Variants in FAAP100 observed in about 807,000 individuals in gnomAD.
FAAP100 encodes the protein Fanconi anemia core complex-associated protein 100.
Under a neutral mutation model 65.8 loss-of-function variants are expected in FAAP100, and 46 were observed. The ratio of observed to expected loss-of-function variants is 0.70; its 90% confidence interval spans 0.55 to 0.89. The LOEUF (loss-of-function observed/expected upper bound fraction) is 0.89. FAAP100 is among the 40% of genes least tolerant of loss of function. The probability of loss-of-function intolerance (pLI) is 0.00; values close to 1 mark genes in which losing one functional copy is unlikely to be tolerated. For synonymous variants in FAAP100, 663 were observed against 555.1 expected (o/e 1.19, Z -2.73); for missense variants, 1,165 against 1,196.7 (o/e 0.97, Z 0.39).
Position 81,547,500 on chromosome 17 carries a change from C to T in FAAP100, c.1582G>A (p.Val528Met), listed in dbSNP as rs1322094600. Residue 528 changes from valine (V) to methionine (M), a missense_variant, in exon 5 of 9, where the codon GTG (valine) becomes ATG (methionine). By Grantham distance (21) the Val-to-Met change is conservative (BLOSUM62 1). Transcript: ENST00000327787. ...QTQDVLMATC[V>M]LENSSSFSLD... ...CTGAAGCTGCTGCTGTTCTCTAGCA[C>T]GCAGGTGGCCATGAGCACATCCTGT... The T allele has an allele frequency of 2.0e-5, 33 of 1,613,414 alleles. No homozygotes were observed. The highest frequency in any genetic ancestry group is 2.6e-5 in the Non-Finnish European group (31 of 1,180,032).
intron 6 of FAAP100, among the ~76,000 whole-genome samples, chr17:81,544,492 G>C (rs1446362405): frequency 1.3e-5 from 2 of 152,110 alleles, no homozygotes; most frequent in Non-Finnish European, 2.9e-5. Context: ...CCACGCCCTT[G>C]GGGGGCCCAG....
chr17:81,547,045 A>T lies in FAAP100; in HGVS notation c.2037T>A (p.Phe679Leu), dbSNP rs1194760694. The T allele has an allele frequency of 6.4e-7, 1 of 1,557,744 alleles. No homozygotes were observed. Among genetic ancestry groups the T allele is most frequent in the Admixed American group, 2.0e-5 (1 of 51,006 alleles). Residue 679 changes from phenylalanine to leucine, a missense_variant, in exon 5 of 9, where the codon TTT becomes TTA. Coordinates refer to ENST00000327787, the MANE Select transcript of FAAP100 (RefSeq NM_025161.6). ...LGPTRDPVAT[F>L]LETCREPGSQ... ...TGCCAGGCTCCCGACAAGTTTCCAGAAAAGTGGCCACAGGGTCTCGGGTGG... is the reference window on the plus strand; with the variant it reads ...TGCCAGGCTCCCGACAAGTTTCCAGTAAAGTGGCCACAGGGTCTCGGGTGG...
At chr17:81,552,135 G>C (rs2033520276) in intron 1 of FAAP100, 31 bp downstream of exon 1, 2 of 1,482,116 alleles carry the variant, frequency 1.3e-6, no homozygotes, top group Admixed American at 4.8e-5. Context: ...CCCCCGCCCG[G>C]TCCCTCCCGC....
intron 3 of FAAP100, 117 bp from the exon 4 acceptor site, chr17:81,549,479 C>A: frequency 7.7e-7 from 1 of 1,304,326 alleles, no homozygotes; most frequent in Non-Finnish European, 1.0e-6. Context: ...AGGCCAGTGT[C>A]CAGTGAGGAA....
At chr17:81,541,680 C>T (rs1303464443) in intron 7 of FAAP100, among the ~76,000 whole-genome samples, 1 of 152,252 alleles carries the variant, frequency 6.6e-6, no homozygotes, top group African/African-American at 2.4e-5. Flanking sequence ...AAGAGCCACA[C>T]TCTGTGCAGA....
intron 6 of FAAP100, 47 bp from the exon 7 acceptor site, chr17:81,544,167 T>A (rs1268499547): frequency 1.3e-6 from 2 of 1,489,350 alleles, no homozygotes; most frequent in South Asian, 1.1e-5. Flanking sequence ...CACTCCCACC[T>A]GCCCGGGGGG....
rs1361322407 is a variant in FAAP100, at chr17:81,540,957, G to A, written c.2515-7C>T. ...GCACCTCCCGCAGCAGTGTCTGCAG[G>A]TGAAGCAGACACAGCTCAGGCCCCC... On this transcript the variant is annotated splice_region_variant and splice_polypyrimidine_tract_variant and intron_variant, in intron 8 of 8. Coordinates refer to ENST00000327787, the MANE Select transcript of FAAP100 (RefSeq NM_025161.6). 1.3e-6 allele frequency: 2 copies of A among 1,575,478 alleles called. No individual in the cohort carries two copies. Among genetic ancestry groups the A allele is most frequent in the Non-Finnish European group, 1.7e-6 (2 of 1,163,224 alleles).
Position 81,550,942 on chromosome 17 carries a change from G to A in FAAP100, c.552C>T (p.Val184=), listed in dbSNP as rs1285151095. The change falls in exon 3 of 9, where the codon GTC becomes GTT. Residue 184 remains valine (V), a synonymous_variant. Coordinates refer to ENST00000327787, the MANE Select transcript of FAAP100 (RefSeq NM_025161.6). ...AGTGGGGGGCTGCAGGCTTTCCTGG[G>A]ACCCCGGCTGGGGGCGTGTAGGAGG... is the stretch of plus-strand genomic sequence containing the variant. ...ELSSYTPPAG[V]PGKPAAPHFL... is the part of the protein sequence containing the mutation. The A allele has an allele frequency of 6.2e-7, 1 of 1,612,172 alleles. No homozygotes were observed. Among genetic ancestry groups the A allele is most frequent in the East Asian group, 2.2e-5 (1 of 44,868 alleles).
In FAAP100 at chr17:81,549,309, G is replaced by T. The variant is rs747486553; in HGVS notation, c.1300C>A (p.Leu434Met). Residue 434 changes from leucine to methionine, a missense_variant, in exon 4 of 9, where the codon CTG (leucine) becomes ATG (methionine). By Grantham distance (15) the Leu-to-Met change is conservative. Coordinates refer to ENST00000327787, the MANE Select transcript of FAAP100 (RefSeq NM_025161.6). ...SAKGRLMTCS[L>M]DLDSEMPGPA... ...CCAGGCATCTCAGAGTCCAGGTCCA[G>T]GCTGCAGGTCATCAGGCGGCCTTTG... 11 of 1,612,920 alleles carry T rather than the reference G, an allele frequency of 6.8e-6. No homozygotes were observed. The South Asian group carries it at 1.2e-4, about 18-fold the overall frequency.
rs1167228606 is a variant in FAAP100, at chr17:81,550,258, C to G, written c.1236G>C (p.Arg412Ser). 1 of 1,603,410 alleles carries G rather than the reference C, an allele frequency of 6.2e-7. No homozygotes were observed. Among genetic ancestry groups the G allele is most frequent in the Non-Finnish European group, 8.5e-7 (1 of 1,174,128 alleles). ...GACAGCAGCTCATACCTTCATGCGT[C>G]CTGGGAGACGCGGACAGCGAGACGA... ...CSVVSLSASP[R>S]THEGGTKLLA... The change falls in exon 3 of 9, where the codon AGG (arginine) becomes AGC (serine). Residue 412 changes from arginine (R) to serine (S), a missense_variant. By Grantham distance (110) the Arg-to-Ser change is moderately radical. Coordinates refer to ENST00000327787, the MANE Select transcript of FAAP100 (RefSeq NM_025161.6).
At chr17:81,552,694 G>T (rs776573353), upstream of FAAP100, among the ~76,000 whole-genome samples, 5 of 152,212 alleles carry the variant, frequency 3.3e-5, no homozygotes, top group Non-Finnish European at 4.4e-5. Context: ...TCTCCCCGGA[G>T]CAAGCGCTCA....
At chr17:81,547,845 C>T (rs558660111) in intron 4 of FAAP100, 167 bp from the exon 5 acceptor site, 103 of 878,836 alleles carry the variant, frequency 1.2e-4, no homozygotes, top group African/African-American at 7.1e-4. Context: ...ATGTTTCTCC[C>T]GGCCCCACCC....
Position 81,541,203 on chromosome 17 carries a change from T to C in FAAP100, c.2514+106A>G, listed in dbSNP as rs576566123. The C allele has an allele frequency of 8.8e-5, 115 of 1,305,184 alleles. No individual in the cohort carries two copies. In the South Asian group the frequency reaches 1.2e-3, roughly 13 times the overall value. The allele number at this position is 1,305,184 out of a possible 1,614,324, so 80.9% of individuals were successfully genotyped here. ...CCCAGGCCCATGGGAGCGAAGCCCA[T>C]GCGCTGTGAGGACTCTGCGGACCCC... On this transcript the variant is annotated intron_variant, in intron 8 of 8. Transcript: ENST00000327787.
At position 81,547,279 on chromosome 17, in the gene FAAP100, C is replaced by T. The variant is rs778159188; in HGVS notation, c.1803G>A (p.Thr601=). 2.0e-5 allele frequency: 32 copies of T among 1,610,140 alleles called. No individual in the cohort carries two copies. Among genetic ancestry groups the T allele is most frequent in the East Asian group, 1.1e-4 (5 of 44,828 alleles). ...GLDLPVTVSC[T]LFYSLREVVG... is the part of the protein sequence containing the mutation. ...CCACCTCCCTGAGACTGTAGAACAG[C>T]GTGCAGGACACGGTCACGGGCAGGT... Residue 601 remains threonine (T), a synonymous_variant, in exon 5 of 9, where the codon ACG becomes ACA. Coordinates refer to ENST00000327787, the MANE Select transcript of FAAP100 (RefSeq NM_025161.6).
chr17:81,545,390 T>C (rs1440997401), intron 6 of FAAP100, among the ~76,000 whole-genome samples: 2 of 152,152 alleles, frequency 1.3e-5, no homozygotes, highest in Non-Finnish European at 2.9e-5. Context: ...CCACGACAGG[T>C]CTGGAGCCTT....
intron 3 of FAAP100, 61 bp from the exon 4 acceptor site, chr17:81,549,423 CGGT>C (rs2033418064): frequency 1.3e-6 from 2 of 1,547,714 alleles, no homozygotes; most frequent in Non-Finnish European, 8.7e-7. Context: ...GCATGACACT[CGGT>C]GGTGTTTCCC....
At chr17:81,543,058 C>A (rs536683271) in intron 7 of FAAP100, among the ~76,000 whole-genome samples, 2 of 152,232 alleles carry the variant, frequency 1.3e-5, no homozygotes, top group Non-Finnish European at 2.9e-5. Flanking sequence ...TGTCACAGTG[C>A]AGGGCACAGG....
rs2033213432 is a variant in FAAP100, at chr17:81,544,139, C to G, written c.2311-19G>C. ...TGGCCACCTGCAACACAGGAGCCAC[C>G]TCACTGCCTGCCTGTGGCACTCCCA... On this transcript the variant is annotated intron_variant, in intron 6 of 8. Coordinates refer to ENST00000327787, the MANE Select transcript of FAAP100 (RefSeq NM_025161.6). 5 of 1,582,816 alleles carry G rather than the reference C, an allele frequency of 3.2e-6. No individual in the cohort carries two copies. The East Asian group carries it at 9.0e-5, about 28-fold the overall frequency.
chr17:81,547,235 G>A lies in FAAP100; in HGVS notation c.1847C>T (p.Pro616Leu). Residue 616 changes from proline to leucine, a missense_variant, in exon 5 of 9, where the codon CCC (proline) becomes CTC (leucine). Pro to Leu is a moderately conservative substitution (Grantham distance 98). Transcript: ENST00000327787. ...LREVVGGALA[P>L]SDSEDPFLDE... ...CAGAAAGGGGTCCTCAGAGTCTGAG[G>A]GGGCAAGGGCCCCGCCCACCACCTC... 1.3e-6 allele frequency: 2 copies of A among 1,583,912 alleles called. No individual in the cohort carries two copies. The highest frequency in any genetic ancestry group is 2.2e-5 in the East Asian group (1 of 44,480).
Sources: gnomAD v4.1 joint callset for allele counts (sites outside exome capture counted in the v4.1 genomes callset) on GRCh38, gnomAD v4.1.1 for gene constraint, MANE v1.5 for transcripts, NCBI Gene and HGNC (gene_info 2026-07-23, HGNC 2026-07-21) for gene names.